Variants in SH3GL2 observed in about 807,000 individuals in gnomAD.
SH3GL2 encodes SH3 domain containing GRB2 like 2, endophilin A1.
Under a neutral mutation model 46.0 loss-of-function variants are expected in SH3GL2, and 24 were observed. The observed-to-expected ratio is 0.52, with a 90% CI of 0.38 to 0.73. The LOEUF is 0.73. Ranked by LOEUF, SH3GL2 falls within the 30% of genes least tolerant of loss-of-function variation. The probability of loss-of-function intolerance (pLI) is 0.00; values close to 1 mark genes in which losing one functional copy is unlikely to be tolerated. For synonymous variants in SH3GL2, 196 were observed against 147.1 expected, an observed-to-expected ratio of 1.33 and a Z score of -2.40; for missense variants, 413 against 424.2, an observed-to-expected ratio of 0.97 and a Z score of 0.23.
At chr9:17,629,985 G>C (rs1326619689) in intron 1 of SH3GL2, among the ~76,000 whole-genome samples, 2 of 152,116 alleles carry the variant, frequency 1.3e-5, no homozygotes, top group East Asian at 1.9e-4. Context: ...GCACGTTTCT[G>C]GTTAATGTGC....
At chr9:17,710,524 A>G (rs539947475) in intron 1 of SH3GL2, among the ~76,000 whole-genome samples, 37 of 152,086 alleles carry the variant, frequency 2.4e-4, no homozygotes, top group African/African-American at 8.2e-4. Context: ...ATGAATTACT[A>G]TATGATGCAG....
chr9:17,634,194 T>C (rs925225505), intron 1 of SH3GL2, among the ~76,000 whole-genome samples: 2 of 152,202 alleles, frequency 1.3e-5, no homozygotes, highest in South Asian at 4.1e-4. Flanking sequence ...CGGTTAACAC[T>C]AGTGAAGTTC....
intron 1 of SH3GL2, among the ~76,000 whole-genome samples, chr9:17,674,628 G>T (rs564017214): frequency 1.8e-4 from 27 of 152,238 alleles, no homozygotes; most frequent in African/African-American, 6.5e-4. Context: ...GTTGGGCTCA[G>T]CTGGATGTTT....
chr9:17,656,241 G>A (rs3824384), intron 1 of SH3GL2, among the ~76,000 whole-genome samples: 58,170 of 151,800 alleles, frequency 0.38, 12,067 homozygotes, highest in South Asian at 0.58. Flanking sequence ...AGACCGATTT[G>A]CATTAAGAAA....
chr9:17,587,739 A>T lies in SH3GL2; in HGVS notation c.45+8452A>T, dbSNP rs142167999. Among the ~76,000 whole-genome samples the T allele has an allele frequency of 2.3e-3, 343 of 152,210 alleles. 3 individuals carry two copies. The highest frequency in any genetic ancestry group is 7.6e-3 in the African/African-American group (316 of 41,528). ...CTAAAACTACAAAAATTAGCCAGGC[A>T]TGGTGGCCTACGCCTGTAGTCCCAG... On this transcript the variant is annotated intron_variant, in intron 1 of 8. Transcript: ENST00000380607.
intron 1 of SH3GL2, chr9:17,589,471 C>G (rs897971618): frequency 1.3e-5 from 2 of 151,996 alleles, no homozygotes; most frequent in East Asian, 3.8e-4. Context: ...ACAGTGGCAC[C>G]GTTAAGTACT....
intron 1 of SH3GL2, among the ~76,000 whole-genome samples, chr9:17,637,568 A>T (rs1435172372): frequency 6.6e-6 from 1 of 152,236 alleles, no homozygotes; most frequent in Non-Finnish European, 1.5e-5. Context: ...AGGACAAGGA[A>T]ATAGTGGCAA....
chr9:17,694,029 T>G (rs1241418597), intron 1 of SH3GL2, among the ~76,000 whole-genome samples: 1 of 152,214 alleles, frequency 6.6e-6, no homozygotes, highest in African/African-American at 2.4e-5. Flanking sequence ...TTTTCAAGAT[T>G]TTTAGTGGCA....
At chr9:17,685,380 C>G (rs1820875978) in intron 1 of SH3GL2, among the ~76,000 whole-genome samples, 1 of 152,032 alleles carries the variant, frequency 6.6e-6, no homozygotes, top group Non-Finnish European at 1.5e-5. Context: ...ACATTACTGA[C>G]AATAATCTTC....
chr9:17,639,904 A>C (rs886152401), intron 1 of SH3GL2, among the ~76,000 whole-genome samples: 1 of 152,188 alleles, frequency 6.6e-6, no homozygotes, highest in Non-Finnish European at 1.5e-5. Flanking sequence ...GTTCAATTTC[A>C]TTATATGAAA....
At chr9:17,792,826 AC>A (rs1445013412) in intron 7 of SH3GL2, among the ~76,000 whole-genome samples, 5 of 152,180 alleles carry the variant, frequency 3.3e-5, no homozygotes, top group Admixed American at 2.6e-4. Flanking sequence ...GATATCTCTG[AC>A]AGTGCTTACT....
intron 1 of SH3GL2, among the ~76,000 whole-genome samples, chr9:17,604,701 C>T (rs562728141): frequency 7.2e-5 from 11 of 152,082 alleles, no homozygotes; most frequent in Non-Finnish European, 1.5e-4. Context: ...TGACCCAGGT[C>T]AGTTTTAGTG....
At chr9:17,671,800 A>G (rs1820481656) in intron 1 of SH3GL2, among the ~76,000 whole-genome samples, 1 of 152,244 alleles carries the variant, frequency 6.6e-6, no homozygotes, top group Non-Finnish European at 1.5e-5. Context: ...AATGGCCTTT[A>G]TAACTGATAA....
intron 1 of SH3GL2, among the ~76,000 whole-genome samples, chr9:17,610,925 A>G (rs1056433367): frequency 1.3e-5 from 2 of 152,214 alleles, no homozygotes; most frequent in African/African-American, 4.8e-5. Context: ...TAAAATTAAT[A>G]CAGTGAAAAA....
At chr9:17,623,077 C>T (rs1819193912) in intron 1 of SH3GL2, among the ~76,000 whole-genome samples, 1 of 140,502 alleles carries the variant, frequency 7.1e-6, no homozygotes, top group Non-Finnish European at 1.5e-5. Flanking sequence ...TCCCCTTCCC[C>T]TTCCCCTTCC....
chr9:17,635,985 C>G (rs1456733827), intron 1 of SH3GL2, among the ~76,000 whole-genome samples: 1 of 152,166 alleles, frequency 6.6e-6, no homozygotes, highest in Non-Finnish European at 1.5e-5. Context: ...GGGCCCAAGA[C>G]CTGCCAAGGT....
At chr9:17,761,241 C>T (rs1823161437) in intron 2 of SH3GL2, among the ~76,000 whole-genome samples, 196 bp from the exon 3 acceptor site, 1 of 152,150 alleles carries the variant, frequency 6.6e-6, no homozygotes, top group Non-Finnish European at 1.5e-5. Context: ...GATAAACGGG[C>T]TTTCCACATC....
chr9:17,636,086 G>T (rs12553665), intron 1 of SH3GL2, among the ~76,000 whole-genome samples: 1 of 152,110 alleles, frequency 6.6e-6, no homozygotes, highest in Non-Finnish European at 1.5e-5. Flanking sequence ...TATAACTGGA[G>T]TTAGATGTTG....
intron 3 of SH3GL2, among the ~76,000 whole-genome samples, chr9:17,781,852 T>C (rs892365224): frequency 1.3e-5 from 2 of 151,864 alleles, no homozygotes; most frequent in African/African-American, 4.8e-5. Context: ...CTTCCCAGCC[T>C]TACTCTTTCA....
Sources: gnomAD v4.1 joint callset for allele counts (sites outside exome capture counted in the v4.1 genomes callset) on GRCh38, gnomAD v4.1.1 for gene constraint, MANE v1.5 for transcripts, NCBI Gene and HGNC (gene_info 2026-07-23, HGNC 2026-07-21) for gene names.